The following RAB28 variants were observed in gnomAD, a reference collection of about 807,000 sequenced individuals.
RAB28 encodes ras-related protein Rab-28.
RAB28 carries 24 observed loss-of-function variants against 31.7 expected under a neutral mutation model. The observed-to-expected ratio is 0.76, with a 90% CI of 0.55 to 1.06. The LOEUF (loss-of-function observed/expected upper bound fraction) is 1.06. RAB28 is among the 50% of genes least tolerant of loss of function. The pLI is 0.00. For synonymous variants in RAB28, 100 were observed against 90.4 expected (o/e 1.11, Z -0.60); for missense variants, 254 against 258.5 (o/e 0.98, Z 0.12).
intron 4 of RAB28, among the ~76,000 whole-genome samples, chr4:13,381,902 C>A (rs1729149797): frequency 1.3e-5 from 2 of 152,024 alleles, no homozygotes; most frequent in Admixed American, 1.3e-4. Flanking sequence ...TAAGTTCAGG[C>A]ACACTGATGA....
intron 4 of RAB28, among the ~76,000 whole-genome samples, chr4:13,443,858 C>T (rs908780090): frequency 6.6e-6 from 1 of 152,058 alleles, no homozygotes; most frequent in Non-Finnish European, 1.5e-5. Context: ...TGGCCCATCC[C>T]CTGACAACAA....
At chr4:13,483,598 C>T (rs771241668) in intron 1 of RAB28, among the ~76,000 whole-genome samples, 20 of 152,316 alleles carry the variant, frequency 1.3e-4, no homozygotes, top group Middle Eastern at 3.4e-3. Flanking sequence ...TAGCAATTTG[C>T]CCTCCAATGA....
At chr4:13,438,627 GAAT>G (rs1714257434) in intron 4 of RAB28, among the ~76,000 whole-genome samples, 1 of 152,058 alleles carries the variant, frequency 6.6e-6, no homozygotes, top group South Asian at 2.1e-4. Flanking sequence ...TTTTTTGGCT[GAAT>G]AATATTACTT....
chr4:13,368,668 A>G lies in RAB28; in HGVS notation c.574-18T>C, dbSNP rs1560263210. On this transcript the variant is annotated intron_variant, in intron 6 of 6. Coordinates refer to ENST00000330852, the MANE Select transcript of RAB28 (RefSeq NM_001017979.3). ...ACCACCCTCTGTCATAAAAGAAAAC[A>G]GAGTTATTATCAGGATATCAGAACA... 2.5e-6 allele frequency: 4 copies of G among 1,592,442 alleles called. No individual in the cohort carries two copies. The highest frequency in any genetic ancestry group is 3.4e-6 in the Non-Finnish European group (4 of 1,163,366).
chr4:13,423,488 G>C (rs1713295046), intron 4 of RAB28, among the ~76,000 whole-genome samples: 2 of 150,720 alleles, frequency 1.3e-5, no homozygotes, highest in Admixed American at 1.3e-4. Flanking sequence ...CGTCTCGGGG[G>C]GGAAAAAAAA....
chr4:13,484,272 G>T lies in RAB28; in HGVS notation c.-122C>A. ...GCAGGACCCCCGCCCCGGTGTCTCC[G>T]CGCCGGCAGGAGGTATTCGAGGAGA... On this transcript the variant is annotated 5_prime_UTR_variant, in exon 1 of 7. Coordinates refer to ENST00000330852, the MANE Select transcript of RAB28 (RefSeq NM_001017979.3). 1.4e-6 allele frequency: 1 copy of T among 729,842 alleles called. No individual in the cohort carries two copies. The highest frequency in any genetic ancestry group is 2.4e-6 in the Non-Finnish European group (1 of 412,150). The allele number at this position is 729,842 out of a possible 1,614,324, so 45.2% of individuals were successfully genotyped here.
chr4:13,446,730 C>T (rs571445876), intron 4 of RAB28, among the ~76,000 whole-genome samples: 63 of 152,156 alleles, frequency 4.1e-4, no homozygotes, highest in Non-Finnish European at 7.4e-4. Context: ...GTTGGAAATG[C>T]GGAAATCACC....
chr4:13,456,086 A>G (rs116491428), intron 4 of RAB28, among the ~76,000 whole-genome samples: 4,197 of 152,308 alleles, frequency 0.028, 87 homozygotes, highest in African/African-American at 0.058. Context: ...ATCACTCCTT[A>G]AAGACTCTCT....
chr4:13,374,144 G>C (rs1319804885), intron 6 of RAB28, among the ~76,000 whole-genome samples: 1 of 152,134 alleles, frequency 6.6e-6, no homozygotes. Flanking sequence ...TATACACAAA[G>C]AATTTTGACA....
At chr4:13,400,455 G>C (rs1711684320) in intron 4 of RAB28, among the ~76,000 whole-genome samples, 1 of 152,108 alleles carries the variant, frequency 6.6e-6, no homozygotes, top group Non-Finnish European at 1.5e-5. Context: ...TTGTATCCTT[G>C]AAAATGGTGT....
At position 13,483,963 on chromosome 4, in the gene RAB28, G is replaced by A. The variant is rs920170438; in HGVS notation, c.75+113C>T. The A allele has an allele frequency of 2.8e-5, 28 of 1,006,342 alleles. 1 individual carries two copies. The East Asian group carries it at 6.6e-4, about 24-fold the overall frequency. The allele number at this position is 1,006,342 out of a possible 1,614,324, so 62.3% of individuals were successfully genotyped here. ...AGGCCACACAACCAGAAGGGCCCGG[G>A]CCTAGAAGCCCGAGGGCTCGGGGTA... is the stretch of plus-strand genomic sequence containing the variant. On this transcript the variant is annotated intron_variant, in intron 1 of 6. Coordinates refer to ENST00000330852, the MANE Select transcript of RAB28 (RefSeq NM_001017979.3).
rs1319258094 is a variant in RAB28, at chr4:13,474,484, C to T, written c.173-78G>A. 5 of 822,596 alleles carry T rather than the reference C, an allele frequency of 6.1e-6. No individual in the cohort carries two copies. The East Asian group carries it at 1.1e-4, about 18-fold the overall frequency. 51.0% of individuals were successfully genotyped at this position (822,596 alleles called of 1,614,324 possible). ...CAATACAACAAGTGACACAGTATCA[C>T]AGAATACTAAGTCACAATAAGAAAC... is the stretch of plus-strand genomic sequence containing the variant. On this transcript the variant is annotated intron_variant, in intron 2 of 6. Coordinates refer to ENST00000330852, the MANE Select transcript of RAB28 (RefSeq NM_001017979.3).
rs1485881265 is a variant in RAB28, at chr4:13,368,004, G to GA, written c.*553dup. ...CAATTTAGGCCCTTTTTTAAAAAAT[G>GA]AAAAAATATTTCTATTACAGGCTTA... On this transcript the variant is annotated 3_prime_UTR_variant, in exon 7 of 7. Coordinates refer to ENST00000330852, the MANE Select transcript of RAB28 (RefSeq NM_001017979.3). The GA allele has an allele frequency of 1.0e-6, 1 of 971,268 alleles. No individual in the cohort carries two copies. The highest frequency in any genetic ancestry group is 1.2e-6 in the Non-Finnish European group (1 of 817,236). The allele number at this position is 971,268 out of a possible 1,614,324, so 60.2% of individuals were successfully genotyped here.
chr4:13,434,471 A>G (rs1713981971), intron 4 of RAB28, among the ~76,000 whole-genome samples: 1 of 152,218 alleles, frequency 6.6e-6, no homozygotes, highest in East Asian at 1.9e-4. Flanking sequence ...AAAACTATAC[A>G]ACAGTAGTGA....
chr4:13,432,921 T>C (rs905809274), intron 4 of RAB28, among the ~76,000 whole-genome samples: 3 of 151,420 alleles, frequency 2.0e-5, no homozygotes, highest in Non-Finnish European at 2.9e-5. Context: ...CATATGTCAA[T>C]ATTAACCTTG....
At chr4:13,383,447 T>C (rs1247755491) in intron 4 of RAB28, among the ~76,000 whole-genome samples, 6 of 151,978 alleles carry the variant, frequency 3.9e-5, no homozygotes, top group Non-Finnish European at 5.9e-5. Flanking sequence ...AATATAACCA[T>C]GGAAAGACTA....
chr4:13,430,139 A>C (rs1713731197), intron 4 of RAB28, among the ~76,000 whole-genome samples: 1 of 152,196 alleles, frequency 6.6e-6, no homozygotes, highest in South Asian at 2.1e-4. Flanking sequence ...GTATGCAAAA[A>C]AACAGAACCC....
At chr4:13,473,913 C>T in intron 3 of RAB28, 1 of 360,906 alleles carries the variant, frequency 2.8e-6, no homozygotes, top group Non-Finnish European at 5.4e-6. Flanking sequence ...AAAACATAGA[C>T]ATATAGATAT....
chr4:13,371,813 A>G (rs1728723823), intron 6 of RAB28: 2 of 1,547,774 alleles, frequency 1.3e-6, no homozygotes, highest in Non-Finnish European at 1.7e-6. Flanking sequence ...TTAGAGCCAC[A>G]AAGCACACTC....
Sources: gnomAD v4.1 joint callset for allele counts (sites outside exome capture counted in the v4.1 genomes callset) on GRCh38, gnomAD v4.1.1 for gene constraint, MANE v1.5 for transcripts, NCBI Gene and HGNC (gene_info 2026-07-23, HGNC 2026-07-21) for gene names.